EXT1: variants seen among roughly 807,000 people sequenced by gnomAD.
EXT1 encodes exostosin-1.
Under a neutral mutation model 82.5 loss-of-function variants are expected in EXT1, and 20 were observed. The ratio of observed to expected loss-of-function variants is 0.24; its 90% CI spans 0.17 to 0.35. The LOEUF is 0.35. Ranked by LOEUF, EXT1 falls within the 10% of genes least tolerant of loss-of-function variation. EXT1 has a pLI of 1.00. For missense variants in EXT1, 757 were observed against 936.5 expected, an observed-to-expected ratio of 0.81 and a Z score of 2.50; for synonymous variants, 348 against 350.8, an observed-to-expected ratio of 0.99 and a Z score of 0.09.
intron 4 of EXT1, among the ~76,000 whole-genome samples, chr8:117,826,056 T>C (rs17439784): frequency 0.16 from 24,025 of 152,232 alleles, 2,325 homozygotes; most frequent in East Asian, 0.37. Flanking sequence ...TGTTTTTTCA[T>C]TGTCCTCATT....
At chr8:117,986,163 A>G (rs1815311904) in intron 1 of EXT1, among the ~76,000 whole-genome samples, 1 of 147,154 alleles carries the variant, frequency 6.8e-6, no homozygotes, top group Non-Finnish European at 1.5e-5. Context: ...GAAAATAAAA[A>G]GCACCTTGCT....
chr8:117,824,577 A>T (rs1478188565), intron 4 of EXT1, among the ~76,000 whole-genome samples: 1 of 152,232 alleles, frequency 6.6e-6, no homozygotes, highest in Non-Finnish European at 1.5e-5. Context: ...CTCAGAATTT[A>T]AGAATAGCTG....
intron 1 of EXT1, among the ~76,000 whole-genome samples, chr8:118,089,757 G>A (rs552666542): frequency 1.3e-5 from 2 of 152,312 alleles, no homozygotes; most frequent in East Asian, 3.9e-4. Flanking sequence ...TTATGTGCTA[G>A]AAGGGTTTCA....
intron 1 of EXT1, among the ~76,000 whole-genome samples, chr8:118,078,706 G>A (rs1817255205): frequency 6.6e-6 from 1 of 152,088 alleles, no homozygotes; most frequent in Non-Finnish European, 1.5e-5. Flanking sequence ...CACCATGTTG[G>A]GAAATTTTAA....
chr8:118,101,893 C>G (rs1817724981), intron 1 of EXT1, among the ~76,000 whole-genome samples: 1 of 151,560 alleles, frequency 6.6e-6, no homozygotes, highest in Admixed American at 6.6e-5. Flanking sequence ...GAGAGAGACC[C>G]TAGTCAAGAA....
At chr8:118,062,325 T>C (rs1816896480) in intron 1 of EXT1, among the ~76,000 whole-genome samples, 1 of 152,136 alleles carries the variant, frequency 6.6e-6, no homozygotes, top group African/African-American at 2.4e-5. Context: ...GGTCCAAAGA[T>C]GAAAATGTTG....
chr8:118,054,968 A>G (rs1258002553), intron 1 of EXT1, among the ~76,000 whole-genome samples: 1 of 151,612 alleles, frequency 6.6e-6, no homozygotes, highest in Non-Finnish European at 1.5e-5. Flanking sequence ...ATATATATAT[A>G]TATAAATTTT....
intron 1 of EXT1, among the ~76,000 whole-genome samples, chr8:118,067,195 T>C (rs1213743022): frequency 5.9e-5 from 9 of 152,244 alleles, no homozygotes; most frequent in Admixed American, 5.9e-4. Flanking sequence ...CTGGCATTTT[T>C]GAATATTGTC....
chr8:117,989,548 C>T (rs534900980), intron 1 of EXT1, among the ~76,000 whole-genome samples: 12 of 152,308 alleles, frequency 7.9e-5, no homozygotes, highest in African/African-American at 2.9e-4. Context: ...ATTCTGTTTG[C>T]TAACTGTTCC....
At chr8:118,073,441 C>A (rs1403587400) in intron 1 of EXT1, among the ~76,000 whole-genome samples, 1 of 152,010 alleles carries the variant, frequency 6.6e-6, no homozygotes, top group Non-Finnish European at 1.5e-5. Flanking sequence ...GCCAACATGG[C>A]AAAACCCCAC....
chr8:117,913,186 C>T (rs961535709), intron 1 of EXT1, among the ~76,000 whole-genome samples: 1 of 152,136 alleles, frequency 6.6e-6, no homozygotes, highest in African/African-American at 2.4e-5. Flanking sequence ...TGCACCACTA[C>T]CCCCAAGCCT....
chr8:117,805,760 AGAGCAGGTATTTTGTT>A (rs1823227321), intron 9 of EXT1, among the ~76,000 whole-genome samples: 1 of 152,210 alleles, frequency 6.6e-6, no homozygotes, highest in Non-Finnish European at 1.5e-5. Flanking sequence ...TAATGATAGA[AGAGCAGGTATTTTGTT>A]ACTGGTTGAG....
rs916564900 is a variant in EXT1 at position 117,796,970 on chromosome 8, G to A, written c.*2742C>T. 1 of 152,148 alleles carries A rather than the reference G, an allele frequency of 6.6e-6. No homozygotes were observed. The highest frequency in any genetic ancestry group is 1.5e-5 in the Non-Finnish European group (1 of 68,030). 9.4% of individuals were successfully genotyped at this position (152,148 alleles called of 1,614,324 possible). ...ATCCATAAGTGGCTGAGTCCTCTTT[G>A]GAATTTCTGCAAGCAATTCATTACG... On this transcript the variant is annotated 3_prime_UTR_variant, in exon 11 of 11. Transcript: ENST00000378204.
intron 1 of EXT1, among the ~76,000 whole-genome samples, chr8:118,049,006 TC>T (rs566508857): frequency 3.3e-5 from 5 of 151,512 alleles, no homozygotes; most frequent in Non-Finnish European, 7.4e-5. Context: ...TGATACCCAC[TC>T]CCCCCAGAAG....
intron 3 of EXT1, 142 bp from the exon 4 acceptor site, chr8:117,830,491 C>T: frequency 1.1e-6 from 1 of 902,942 alleles, no homozygotes; most frequent in Non-Finnish European, 1.7e-6. Context: ...TCATCAATTC[C>T]TAAGTTGAAA....
At chr8:118,072,684 C>A (rs1817117734) in intron 1 of EXT1, among the ~76,000 whole-genome samples, 1 of 152,168 alleles carries the variant, frequency 6.6e-6, no homozygotes, top group Admixed American at 6.5e-5. Context: ...TTCTGTTCAT[C>A]CAACTTAATC....
chr8:117,828,680 G>A (rs1812047319), intron 4 of EXT1, among the ~76,000 whole-genome samples: 1 of 152,144 alleles, frequency 6.6e-6, no homozygotes, highest in South Asian at 2.1e-4. Context: ...TTTAATTGAG[G>A]AGATTGCTTT....
chr8:117,949,339 A>C (rs1814446744), intron 1 of EXT1, among the ~76,000 whole-genome samples: 1 of 152,094 alleles, frequency 6.6e-6, no homozygotes, highest in Non-Finnish European at 1.5e-5. Flanking sequence ...CATCCATCAT[A>C]AGCCTACATA....
chr8:117,832,862 G>C (rs1197691159), intron 3 of EXT1, among the ~76,000 whole-genome samples: 1 of 152,194 alleles, frequency 6.6e-6, no homozygotes, highest in Non-Finnish European at 1.5e-5. Context: ...GTATGGGAAA[G>C]TGATAAATTA....
Sources: gnomAD v4.1 joint callset for allele counts (sites outside exome capture counted in the v4.1 genomes callset) on GRCh38, gnomAD v4.1.1 for gene constraint, MANE v1.5 for transcripts, NCBI Gene and HGNC (gene_info 2026-07-23, HGNC 2026-07-21) for gene names.